PIEZO2: variants seen among roughly 807,000 people sequenced by gnomAD.
PIEZO2 encodes the protein piezo type mechanosensitive ion channel component 2, also known as piezo-type mechanosensitive ion channel component 2.
A neutral mutation model predicts 337.3 loss-of-function variants in PIEZO2; 172 were observed. The observed-to-expected ratio is 0.51, with a 90% CI of 0.45 to 0.58. The LOEUF (loss-of-function observed/expected upper bound fraction) is 0.58. PIEZO2 is among the 20% of genes least tolerant of loss of function. The pLI, the probability that PIEZO2 is intolerant of heterozygous loss-of-function variation, is 0.00. For missense variants in PIEZO2, 3,028 were observed against 3,391.3 expected (o/e 0.89, Z 2.66); for synonymous variants, 1,251 against 1,228.5 (o/e 1.02, Z -0.38).
rs776189321 is a variant in PIEZO2, at chr18:10,672,869, A to C, written c.8166T>G (p.Asn2722Lys). 1 of 1,597,674 alleles carries C rather than the reference A, an allele frequency of 6.3e-7. No individual in the cohort carries two copies. Among genetic ancestry groups the C allele is most frequent in the Non-Finnish European group, 8.5e-7 (1 of 1,172,760 alleles). ...SKPIKQLLSE[N>K]NFMDITIILS... ...AAATGATGGTAATATCCATGAAATT[A>C]TTTTCTAGAAGGGTAGAAATGCAAA... is the stretch of plus-strand genomic sequence containing the variant. The change falls in exon 55 of 56, where the codon AAT (asparagine) becomes AAG (lysine). Residue 2722 changes from asparagine to lysine, a missense_variant. By Grantham distance (94) the Asn-to-Lys change is moderately conservative. Coordinates refer to ENST00000674853, the MANE Select transcript of PIEZO2 (RefSeq NM_001378183.1). This position sits in a 1 kb window ranked among gnomAD's most constrained non-coding sequence, Gnocchi z 4.7.
intron 1 of PIEZO2, among the ~76,000 whole-genome samples, chr18:11,144,265 C>T (rs2040751008): frequency 1.3e-5 from 2 of 152,210 alleles, no homozygotes; most frequent in South Asian, 2.1e-4. Context: ...TAGAAATAAG[C>T]TCTAAATTTC....
At chr18:10,683,099 C>T (rs1008662030) in intron 49 of PIEZO2, among the ~76,000 whole-genome samples, 1 of 152,256 alleles carries the variant, frequency 6.6e-6, no homozygotes, top group Non-Finnish European at 1.5e-5. Flanking sequence ...TTCAGGGTTA[C>T]CCCTCAGGCC....
Position 11,003,894 on chromosome 18 carries a change from C to A in PIEZO2, c.161-24234G>T, listed in dbSNP as rs1368039878. On this transcript the variant is annotated intron_variant, in intron 2 of 55. Transcript: ENST00000674853. The surrounding 1 kb of genome is among the most constrained non-coding windows in gnomAD (Gnocchi z 4.6). ...AATATTCAACTACATTTTTCAGGGACCTGCTAAATAGGACTAATGGAAGAG... is the reference window on the plus strand; with the variant it reads ...AATATTCAACTACATTTTTCAGGGAACTGCTAAATAGGACTAATGGAAGAG... Among the ~76,000 whole-genome samples the A allele has an allele frequency of 6.6e-6, 1 of 152,184 alleles. No homozygotes were observed. The highest frequency in any genetic ancestry group is 2.4e-5 in the African/African-American group (1 of 41,436).
rs191358201 is a variant in PIEZO2, at chr18:10,930,435, C to T, written c.287-19207G>A. On this transcript the variant is annotated intron_variant, in intron 3 of 55. Coordinates refer to ENST00000674853, the MANE Select transcript of PIEZO2 (RefSeq NM_001378183.1). ...TCTTTAAATCCACCTATGACTTAGA[C>T]GTTCCCCCTTTCTGGGCTGTCCAAT... Among the ~76,000 whole-genome samples the T allele has an allele frequency of 5.9e-5, 9 of 152,326 alleles. No individual in the cohort carries two copies. The East Asian group carries it at 1.2e-3, about 20-fold the overall frequency.
intron 7 of PIEZO2, among the ~76,000 whole-genome samples, chr18:10,816,619 C>T (rs547221265): frequency 6.6e-6 from 1 of 152,174 alleles, no homozygotes; most frequent in East Asian, 1.9e-4. Context: ...CAATAAAAAT[C>T]TATAGATTTT....
chr18:10,744,132 G>A lies in PIEZO2; in HGVS notation c.4514+10C>T, dbSNP rs1253373202. 2 of 1,515,226 alleles carry A rather than the reference G, an allele frequency of 1.3e-6. No homozygotes were observed. Among genetic ancestry groups the A allele is most frequent in the South Asian group, 2.4e-5 (2 of 83,520 alleles). The allele number at this position is 1,515,226 out of a possible 1,614,324, so 93.9% of individuals were successfully genotyped here. A position where few individuals can be genotyped will look rare whatever the true frequency, so the allele number is the denominator to read the frequency against. On this transcript the variant is annotated intron_variant, in intron 31 of 55. Transcript: ENST00000674853. ...GACGGAAGGAGGATGAGCATCAATA[G>A]CATCCTTACTGTCGCTTCAGCTGGT...
intron 3 of PIEZO2, among the ~76,000 whole-genome samples, chr18:10,960,517 A>T (rs1221947367): frequency 6.6e-6 from 1 of 152,060 alleles, no homozygotes; most frequent in Admixed American, 6.5e-5. Context: ...ATTAAGAACA[A>T]ATAGAGTTGC....
At position 10,704,554 on chromosome 18, in the gene PIEZO2, G is replaced by A. The variant is rs1289963058; in HGVS notation, c.6098C>T (p.Ala2033Val). 5 of 1,537,270 alleles carry A rather than the reference G, an allele frequency of 3.3e-6. No homozygotes were observed. The East Asian group carries it at 7.3e-5, about 23-fold the overall frequency. Residue 2033 changes from alanine (A) to valine (V), a missense_variant, in exon 42 of 56, where the codon GCC becomes GTC. By Grantham distance (64) the Ala-to-Val change is moderately conservative (BLOSUM62 0). Around this residue, in one of 5 missense-constraint regions of PIEZO2, gnomAD observed 1,925 missense variants for 2,051.9 expected, o/e 0.94. Transcript: ENST00000674853. Reference protein sequence around the residue: ...LFYAMYNTLVARSEMVCYFVI... With the variant: ...LFYAMYNTLVVRSEMVCYFVI... Reference sequence around the variant, plus strand: ...GAAGTAGCACACCATCTCCGAGCGGGCCACCAGGGTATTGTACATGGCATA... The same window carrying A: ...GAAGTAGCACACCATCTCCGAGCGGACCACCAGGGTATTGTACATGGCATA...
Position 10,942,938 on chromosome 18 carries a change from T to G in PIEZO2, c.287-31710A>C, listed in dbSNP as rs895916810. Among the ~76,000 whole-genome samples the G allele has an allele frequency of 6.6e-6, 1 of 152,168 alleles. No homozygotes were observed. Among genetic ancestry groups the G allele is most frequent in the African/African-American group, 2.4e-5 (1 of 41,440 alleles). On this transcript the variant is annotated intron_variant, in intron 3 of 55. Transcript: ENST00000674853. This position sits in a 1 kb window ranked among gnomAD's most constrained non-coding sequence, Gnocchi z 4.4. ...TGGCTGAAAGGGGCCAACACAGAGC[T>G]TGGGCTATGGCATCAGAGGGTGCAA... is the stretch of plus-strand genomic sequence containing the variant.
At chr18:10,879,269 T>C (rs1414620119) in intron 4 of PIEZO2, among the ~76,000 whole-genome samples, 3 of 152,028 alleles carry the variant, frequency 2.0e-5, no homozygotes, top group Non-Finnish European at 4.4e-5. Context: ...CATTTTCCCA[T>C]AAAATGACCT....
At chr18:10,967,011 G>GTTTTTTTTTTTTTTTTTTTTTTTTTT (rs1368023375) in intron 3 of PIEZO2, among the ~76,000 whole-genome samples, 1 of 109,392 alleles carries the variant, frequency 9.1e-6, no homozygotes, top group Non-Finnish European at 1.9e-5. Flanking sequence ...CATTTTCTCT[G>GTTTTTTTTTTTTTTTTTTTTTTTTTT]TTTTTTGTTT....
rs1265558572 is a variant in PIEZO2, at chr18:10,855,946, C to T, written c.704-380G>A. ...TATCTGTATGTCTGTTCCAACCTTT[C>T]CTGACACCATTTTCTTTATAATAAT... On this transcript the variant is annotated intron_variant, in intron 6 of 55. Transcript: ENST00000674853. This position sits in a 1 kb window ranked among gnomAD's most constrained non-coding sequence, Gnocchi z 4.9. 2.0e-5 allele frequency among the ~76,000 whole-genome samples: 3 copies of T among 152,136 alleles called. No homozygotes were observed. The highest frequency in any genetic ancestry group is 3.9e-4 in the East Asian group (2 of 5,182).
At chr18:10,947,751 C>A (rs1203498402) in intron 3 of PIEZO2, among the ~76,000 whole-genome samples, 3 of 151,954 alleles carry the variant, frequency 2.0e-5, no homozygotes, top group Non-Finnish European at 4.4e-5. Context: ...AATGTTCAAA[C>A]AAATATGATA....
At position 10,784,864 on chromosome 18, in the gene PIEZO2, G is replaced by C. The variant is rs368668265; in HGVS notation, c.2412C>G (p.His804Gln). ...GGAACCGGTCATGGAAGTAGTGCAGGTGTAAAATGCACACCAGCAGAAAGG... is the reference window on the plus strand; with the variant it reads ...GGAACCGGTCATGGAAGTAGTGCAGCTGTAAAATGCACACCAGCAGAAAGG... Reference protein sequence around the residue: ...PTSFLLVCILHLHYFHDRFLE... With the variant: ...PTSFLLVCILQLHYFHDRFLE... Residue 804 changes from histidine to glutamine, a missense_variant, in exon 17 of 56, where the codon CAC becomes CAG. By Grantham distance (24) the His-to-Gln change is conservative. This residue lies in a region of PIEZO2 where 1,925 missense variants were observed against 2,051.9 expected (regional missense o/e 0.94). Transcript: ENST00000674853. This position sits in a 1 kb window ranked among gnomAD's most constrained non-coding sequence, Gnocchi z 4.5. 4.8e-5 allele frequency: 74 copies of C among 1,537,748 alleles called. No homozygotes were observed. The African/African-American group carries it at 9.6e-4, about 20-fold the overall frequency.
chr18:11,042,694 G>A (rs539747473), intron 2 of PIEZO2, among the ~76,000 whole-genome samples: 33 of 152,286 alleles, frequency 2.2e-4, no homozygotes, highest in African/African-American at 5.8e-4. Flanking sequence ...AAAGGCAATC[G>A]TCATTGTCAC....
intron 7 of PIEZO2, among the ~76,000 whole-genome samples, chr18:10,829,516 T>C (rs2040779324): frequency 6.6e-6 from 1 of 152,200 alleles, no homozygotes; most frequent in South Asian, 2.1e-4. Context: ...ATAATTGTTC[T>C]TATTTGCAGA....
Position 10,742,479 on chromosome 18 carries a change from A to T in PIEZO2, c.4636+15T>A. On this transcript the variant is annotated intron_variant, in intron 32 of 55. Coordinates refer to ENST00000674853, the MANE Select transcript of PIEZO2 (RefSeq NM_001378183.1). ...AATGTTAAAACTTGAATAAGAGGAA[A>T]ATGTCTTGACATACTTTCATCATCC... 6.5e-7 allele frequency: 1 copy of T among 1,537,062 alleles called. No homozygotes were observed. Among genetic ancestry groups the T allele is most frequent in the Non-Finnish European group, 8.7e-7 (1 of 1,146,824 alleles).
Position 10,834,790 on chromosome 18 carries a change from C to CT in PIEZO2, c.917+20562dup, listed in dbSNP as rs2040955058. On this transcript the variant is annotated intron_variant, in intron 7 of 55. Transcript: ENST00000674853. The surrounding 1 kb of genome is among the most constrained non-coding windows in gnomAD (Gnocchi z 4.5). ...AACACCAGCCTCAGAAAGGCTCTTC[C>CT]TTTAAGTTTCTTCCCCGCTAGCTTT... Among the ~76,000 whole-genome samples, 1 of 152,164 alleles carries CT rather than the reference C, an allele frequency of 6.6e-6. No homozygotes were observed.
intron 1 of PIEZO2, among the ~76,000 whole-genome samples, chr18:11,135,359 ACAAGAT>A (rs1187187547): frequency 6.6e-6 from 1 of 152,218 alleles, no homozygotes; most frequent in Non-Finnish European, 1.5e-5. Context: ...TGGGGAATGT[ACAAGAT>A]CTCACTGCAG....
Sources: allele counts gnomAD v4.1 joint callset (sites outside exome capture counted in the v4.1 genomes callset), GRCh38; gene constraint gnomAD v4.1.1; regional missense constraint gnomAD v4.1.1; non-coding constraint Gnocchi (gnomAD v3.1); transcripts MANE v1.5; gene names NCBI Gene and HGNC (gene_info 2026-07-23, HGNC 2026-07-21).